DLGAP1: variants seen among roughly 807,000 people sequenced by gnomAD.
DLGAP1 encodes the protein disks large-associated protein 1.
DLGAP1 carries 11 observed loss-of-function variants against 90.8 expected under a neutral mutation model. The ratio of observed to expected loss-of-function variants is 0.12; its 90% CI spans 0.08 to 0.20. The LOEUF is 0.20. DLGAP1 is among the 10% of genes least tolerant of loss of function. The probability of loss-of-function intolerance (pLI) is 1.00; values close to 1 mark genes in which losing one functional copy is unlikely to be tolerated. For missense variants in DLGAP1, 1,050 were observed against 1,333.8 expected (o/e 0.79, Z 3.31); for synonymous variants, 558 against 540.7 (o/e 1.03, Z -0.44).
At chr18:4,126,019 C>T (rs141173257) in intron 2 of DLGAP1, among the ~76,000 whole-genome samples, 3 of 152,132 alleles carry the variant, frequency 2.0e-5, no homozygotes, top group Admixed American at 2.0e-4. Flanking sequence ...TTCAGGCTTC[C>T]CCTTTACTTT....
At chr18:4,400,115 C>T (rs744450) in intron 1 of DLGAP1, among the ~76,000 whole-genome samples, 69,221 of 151,754 alleles carry the variant, frequency 0.46, 17,044 homozygotes, top group East Asian at 0.68. Flanking sequence ...ACCACATCCC[C>T]AGGGCTTCCT....
chr18:4,254,138 G>T (rs79559453), intron 1 of DLGAP1, among the ~76,000 whole-genome samples: 1 of 152,116 alleles, frequency 6.6e-6, no homozygotes. Flanking sequence ...ACTCATCCAC[G>T]GCACAAGTTT....
intron 11 of DLGAP1, among the ~76,000 whole-genome samples, chr18:3,504,769 AAGAT>A (rs979957462): frequency 2.9e-4 from 44 of 152,318 alleles, no homozygotes; most frequent in African/African-American, 1.0e-3. Flanking sequence ...CATCATTAAG[AAGAT>A]AGATAGAGAA....
At chr18:3,978,079 G>T in intron 3 of DLGAP1, 1 of 391,540 alleles carries the variant, frequency 2.6e-6, no homozygotes, top group East Asian at 7.7e-5. Flanking sequence ...ACAGTTTTCT[G>T]GGTGGCAGTA....
intron 3 of DLGAP1, among the ~76,000 whole-genome samples, chr18:3,994,565 A>G (rs928415507): frequency 2.6e-5 from 4 of 152,222 alleles, no homozygotes; most frequent in African/African-American, 9.6e-5. Context: ...CGAGTTGCAG[A>G]AACCTGGATG....
At chr18:3,666,135 G>A (rs1373889058) in intron 7 of DLGAP1, among the ~76,000 whole-genome samples, 1 of 152,186 alleles carries the variant, frequency 6.6e-6, no homozygotes, top group Non-Finnish European at 1.5e-5. Flanking sequence ...CAGGCTACCC[G>A]AGAGCTGGTT....
intron 7 of DLGAP1, among the ~76,000 whole-genome samples, chr18:3,601,015 TATATAG>T (rs2056980187): frequency 7.4e-6 from 1 of 135,730 alleles, no homozygotes; most frequent in African/African-American, 3.1e-5. Flanking sequence ...TATAGATAGA[TATATAG>T]ATATATAGAT....
chr18:4,205,345 A>G (rs2077700685), intron 1 of DLGAP1, among the ~76,000 whole-genome samples: 1 of 152,154 alleles, frequency 6.6e-6, no homozygotes, highest in South Asian at 2.1e-4. Flanking sequence ...TATGGCACTA[A>G]GTGGATGGGA....
chr18:3,761,814 T>A (rs1276684215), intron 5 of DLGAP1, among the ~76,000 whole-genome samples: 1 of 152,182 alleles, frequency 6.6e-6, no homozygotes. Context: ...GACCCTGTGA[T>A]CTGCCAGCCT....
chr18:3,980,485 T>C (rs1180318605), intron 3 of DLGAP1, among the ~76,000 whole-genome samples: 1 of 152,182 alleles, frequency 6.6e-6, no homozygotes, highest in Non-Finnish European at 1.5e-5. Flanking sequence ...TCTTTACCCA[T>C]AGTAATTTTG....
chr18:4,099,826 C>T (rs4798166), intron 2 of DLGAP1, among the ~76,000 whole-genome samples: 36,254 of 151,660 alleles, frequency 0.24, 4,745 homozygotes, highest in African/African-American at 0.34. Flanking sequence ...GCCTCAGCCT[C>T]CCTAGTAGCT....
intron 2 of DLGAP1, among the ~76,000 whole-genome samples, chr18:4,008,234 C>T (rs1438788419): frequency 1.4e-4 from 21 of 151,640 alleles, no homozygotes; most frequent in Non-Finnish European, 7.4e-5. Flanking sequence ...TATACACACA[C>T]ACACACACAC....
At position 3,561,883 on chromosome 18, in the gene DLGAP1, G is replaced by T. The variant is rs147305391; in HGVS notation, c.2057+5607C>A. ...CTTACAGTTCCATGTGGCTGGGGAG[G>T]CCCCACAATCATGGCATAAGGTGAA... is the stretch of plus-strand genomic sequence containing the variant. On this transcript the variant is annotated intron_variant, in intron 9 of 12. Transcript: ENST00000315677. 8.2e-3 allele frequency among the ~76,000 whole-genome samples: 1,238 copies of T among 150,870 alleles called. 112 individuals are homozygous for T. The highest frequency in any genetic ancestry group is 0.029 in the African/African-American group (1,185 of 40,270).
intron 3 of DLGAP1, among the ~76,000 whole-genome samples, chr18:3,912,481 G>A (rs907090741): frequency 3.3e-5 from 5 of 152,192 alleles, no homozygotes; most frequent in Non-Finnish European, 7.3e-5. Context: ...ACTGGAGATA[G>A]CTCAGGGAAC....
At chr18:3,580,278 C>T in intron 8 of DLGAP1, 1 of 1,611,028 alleles carries the variant, frequency 6.2e-7, no homozygotes, top group African/African-American at 1.3e-5. Flanking sequence ...GCTCCAGGCA[C>T]CAGCAATGGC....
intron 7 of DLGAP1, among the ~76,000 whole-genome samples, chr18:3,720,015 C>T (rs1347730385): frequency 6.6e-6 from 1 of 152,202 alleles, no homozygotes; most frequent in Non-Finnish European, 1.5e-5. Context: ...TCAGGATGAA[C>T]TTCCGTCTTG....
rs919221025 is a variant in DLGAP1, at chr18:4,342,376, T to A, written c.-267+112630A>T. On this transcript the variant is annotated intron_variant, in intron 1 of 12. Transcript: ENST00000315677. This position sits in a 1 kb window ranked among gnomAD's most constrained non-coding sequence, Gnocchi z 5.8. ...TAGAATATGTTAAATGGATAAACAC[T>A]CCCAAATATCTTACATTTTAAAAAT... 1.3e-5 allele frequency among the ~76,000 whole-genome samples: 2 copies of A among 152,174 alleles called. No individual in the cohort carries two copies. The highest frequency in any genetic ancestry group is 4.8e-5 in the African/African-American group (2 of 41,436).
At chr18:3,525,869 C>T (rs1328640826) in intron 10 of DLGAP1, among the ~76,000 whole-genome samples, 1 of 152,206 alleles carries the variant, frequency 6.6e-6, no homozygotes, top group Non-Finnish European at 1.5e-5. Flanking sequence ...CACATCACTT[C>T]ACCTCTTCAT....
intron 1 of DLGAP1, among the ~76,000 whole-genome samples, chr18:4,344,081 G>A (rs138477176): frequency 9.5e-4 from 144 of 152,192 alleles, no homozygotes; most frequent in African/African-American, 1.8e-3. Context: ...AAAGTGTCCC[G>A]TTTCAAATTC....
Sources: allele counts gnomAD v4.1 joint callset (sites outside exome capture counted in the v4.1 genomes callset), GRCh38; gene constraint gnomAD v4.1.1; non-coding constraint Gnocchi (gnomAD v3.1); transcripts MANE v1.5; gene names NCBI Gene and HGNC (gene_info 2026-07-23, HGNC 2026-07-21).